Variants in SESN1 observed in about 807,000 individuals in gnomAD.
SESN1 encodes sestrin-1.
In SESN1, 30 loss-of-function variants were observed where a neutral mutation model predicts 59.3. The ratio of observed to expected loss-of-function variants is 0.51; its 90% CI spans 0.38 to 0.69. SESN1 has a LOEUF of 0.69. Among genes scored for constraint, SESN1 ranks in the 30% least tolerant of loss-of-function variants. SESN1 has a pLI of 0.00. For missense variants in SESN1, 566 were observed against 673.0 expected (o/e 0.84, Z 1.76); for synonymous variants, 197 against 219.9 (o/e 0.90, Z 0.92).
chr6:108,990,768 A>G lies in SESN1; in HGVS notation c.1301T>C (p.Ile434Thr). 2 of 1,614,140 alleles carry G rather than the reference A, an allele frequency of 1.2e-6. No homozygotes were observed. The highest frequency in any genetic ancestry group is 2.2e-5 in the East Asian group (1 of 44,876). The change falls in exon 8 of 10, where the codon ATT becomes ACT. Residue 434 changes from isoleucine (I) to threonine (T), a missense_variant. Physicochemically the swap from Ile to Thr is moderately conservative, Grantham distance 89. Transcript: ENST00000436639. ...NRLYPDVGQL[I>T]DEKFHIAYNL... is the part of the protein sequence containing the mutation. ...GTAAGCAATGTGAAATTTTTCATCA[A>G]TCAACTGTCCCACATCTGGATAAAG... is the stretch of plus-strand genomic sequence containing the variant.
chr6:109,043,372 A>C (rs543564950), intron 1 of SESN1, among the ~76,000 whole-genome samples: 2 of 152,148 alleles, frequency 1.3e-5, no homozygotes, highest in African/African-American at 4.8e-5. Flanking sequence ...AATAAAAGCC[A>C]TACAGATAAA....
chr6:108,999,551 G>A (rs902941314), intron 4 of SESN1, among the ~76,000 whole-genome samples: 31 of 151,996 alleles, frequency 2.0e-4, no homozygotes, highest in African/African-American at 7.2e-4. Flanking sequence ...CATTTAAAAC[G>A]TAACATAAAG....
intron 1 of SESN1, among the ~76,000 whole-genome samples, chr6:109,038,944 G>A (rs1012504806): frequency 5.4e-5 from 8 of 147,656 alleles, no homozygotes; most frequent in Admixed American, 1.4e-4. Flanking sequence ...AAGAGAAGAA[G>A]AAAAGAAGGG....
At chr6:109,051,163 C>CA (rs199848413) in intron 1 of SESN1, among the ~76,000 whole-genome samples, 13,787 of 150,446 alleles carry the variant, frequency 0.092, 832 homozygotes, top group Middle Eastern at 0.18. Context: ...AAAAAAACAA[C>CA]AAAAAAAAAC....
At chr6:109,037,861 C>A (rs964509778) in intron 1 of SESN1, among the ~76,000 whole-genome samples, 5 of 151,972 alleles carry the variant, frequency 3.3e-5, no homozygotes, top group African/African-American at 1.2e-4. Context: ...GATACCTAGT[C>A]ATCTTCCATT....
chr6:109,041,936 T>A (rs1780349427), intron 1 of SESN1, among the ~76,000 whole-genome samples: 1 of 152,074 alleles, frequency 6.6e-6, no homozygotes, highest in Non-Finnish European at 1.5e-5. Flanking sequence ...CAAAACAGAA[T>A]ACATCATGGC....
At chr6:108,998,474 G>T (rs1464811190) in intron 5 of SESN1, 39 bp downstream of exon 5, 1 of 1,608,034 alleles carries the variant, frequency 6.2e-7, no homozygotes. Flanking sequence ...CAATTATTGT[G>T]ATTAGTTTTA....
chr6:109,017,469 T>C (rs1156354822), intron 1 of SESN1, among the ~76,000 whole-genome samples: 2 of 152,108 alleles, frequency 1.3e-5, no homozygotes, highest in African/African-American at 2.4e-5. Context: ...GTATTTTTAG[T>C]AGAGACGGGG....
intron 1 of SESN1, among the ~76,000 whole-genome samples, chr6:109,083,460 T>C (rs568660526): frequency 2.4e-4 from 37 of 152,156 alleles, no homozygotes; most frequent in Non-Finnish European, 5.0e-4. Flanking sequence ...TACACACACA[T>C]ACACAAATCT....
At chr6:109,003,231 T>C (rs552198753) in intron 1 of SESN1, among the ~76,000 whole-genome samples, 1 of 151,834 alleles carries the variant, frequency 6.6e-6, no homozygotes, top group African/African-American at 2.4e-5. Context: ...TTAGAATTTA[T>C]ACAATTAAAG....
intron 1 of SESN1, among the ~76,000 whole-genome samples, chr6:109,035,417 A>G (rs1244302563): frequency 2.6e-5 from 4 of 152,154 alleles, no homozygotes; most frequent in African/African-American, 9.7e-5. Flanking sequence ...GAAGTAAAAG[A>G]CTGAGTATAA....
chr6:108,994,434 A>C, intron 6 of SESN1, 28 bp downstream of exon 6: 2 of 1,561,248 alleles, frequency 1.3e-6, no homozygotes, highest in Non-Finnish European at 1.7e-6. Context: ...TGCAATAATT[A>C]TATTGACTAT....
At chr6:109,036,113 C>T (rs1430246274) in intron 1 of SESN1, among the ~76,000 whole-genome samples, 2 of 152,086 alleles carry the variant, frequency 1.3e-5, no homozygotes, top group Non-Finnish European at 1.5e-5. Context: ...AGGACCTTTT[C>T]CTACCAAGGT....
At chr6:109,003,046 T>TA (rs1461871874) in intron 1 of SESN1, among the ~76,000 whole-genome samples, 1 of 152,114 alleles carries the variant, frequency 6.6e-6, no homozygotes, top group Non-Finnish European at 1.5e-5. Flanking sequence ...TAGAATCCTG[T>TA]ACCTTATGTG....
intron 1 of SESN1, among the ~76,000 whole-genome samples, chr6:109,003,550 A>G (rs1445198266): frequency 6.6e-6 from 1 of 152,204 alleles, no homozygotes; most frequent in African/African-American, 2.4e-5. Context: ...ATTTGCCAAC[A>G]GAATTCATAA....
chr6:109,056,773 A>C (rs965978771), intron 1 of SESN1, among the ~76,000 whole-genome samples: 3 of 152,204 alleles, frequency 2.0e-5, no homozygotes, highest in African/African-American at 7.2e-5. Flanking sequence ...GATGGCTCCC[A>C]GTGATGCCTC....
intron 1 of SESN1, among the ~76,000 whole-genome samples, chr6:109,079,154 T>G (rs545601362): frequency 3.4e-5 from 5 of 147,812 alleles, no homozygotes; most frequent in Admixed American, 1.4e-4. Context: ...TAGCCTGGGG[T>G]CAAATTTTTG....
intron 1 of SESN1, among the ~76,000 whole-genome samples, chr6:109,033,946 T>C (rs963477452): frequency 6.6e-6 from 1 of 152,206 alleles, no homozygotes; most frequent in Non-Finnish European, 1.5e-5. Context: ...CATTAGAGTC[T>C]AACAACCTGG....
At chr6:109,049,570 C>T (rs958546363) in intron 1 of SESN1, among the ~76,000 whole-genome samples, 39 of 151,850 alleles carry the variant, frequency 2.6e-4, no homozygotes, top group African/African-American at 7.5e-4. Context: ...GTTTAGATGA[C>T]GGATTTGCTA....
Sources: gnomAD v4.1 joint callset for allele counts (sites outside exome capture counted in the v4.1 genomes callset) on GRCh38, gnomAD v4.1.1 for gene constraint, MANE v1.5 for transcripts, NCBI Gene and HGNC (gene_info 2026-07-23, HGNC 2026-07-21) for gene names.